The following BAIAP2L1 variants were observed in gnomAD, a reference collection of about 807,000 sequenced individuals.
BAIAP2L1 encodes the protein BAR/IMD domain containing adaptor protein 2 like 1, also known as BAR/IMD domain-containing adapter protein 2-like 1.
In BAIAP2L1, 35 loss-of-function variants were observed where a neutral mutation model predicts 66.3. The observed-to-expected ratio is 0.53, with a 90% CI of 0.40 to 0.70. The LOEUF is 0.70. Ranked by LOEUF, BAIAP2L1 falls within the 30% of genes least tolerant of loss-of-function variation. The probability of loss-of-function intolerance (pLI) is 0.00; values close to 1 mark genes in which losing one functional copy is unlikely to be tolerated. For synonymous variants in BAIAP2L1, 269 were observed against 248.7 expected (o/e 1.08, Z -0.77); for missense variants, 622 against 656.9 (o/e 0.95, Z 0.58).
chr7:98,341,102 G>A (rs573173122), intron 3 of BAIAP2L1, among the ~76,000 whole-genome samples: 1 of 151,756 alleles, frequency 6.6e-6, no homozygotes, highest in East Asian at 1.9e-4. Flanking sequence ...CCACCTTCAA[G>A]GTCTAAAGGC....
chr7:98,346,049 G>A (rs1470023975), intron 3 of BAIAP2L1, among the ~76,000 whole-genome samples: 1 of 152,160 alleles, frequency 6.6e-6, no homozygotes, highest in African/African-American at 2.4e-5. Context: ...ATATCCTAAA[G>A]TTAATTGTGG....
intron 3 of BAIAP2L1, among the ~76,000 whole-genome samples, chr7:98,353,057 C>T (rs1206885234): frequency 1.3e-5 from 2 of 151,936 alleles, no homozygotes; most frequent in East Asian, 1.9e-4. Flanking sequence ...TGTCTACATC[C>T]GGCAGCCTCC....
rs754827998 is a variant in BAIAP2L1, at chr7:98,306,402, TC to T, written c.1241+36del. ...TTACAGAAACGACAAGGCAGGGGTTTCTGTCACCGGGAGAGCTCAGCCACGT... is the reference window on the plus strand; with the variant it reads ...TTACAGAAACGACAAGGCAGGGGTTTTGTCACCGGGAGAGCTCAGCCACGT... On this transcript the variant is annotated intron_variant, in intron 11 of 13. Transcript: ENST00000005260. 3.7e-6 allele frequency: 6 copies of T among 1,610,678 alleles called. No homozygotes were observed. The Admixed American group carries it at 1.0e-4, about 27-fold the overall frequency.
intron 11 of BAIAP2L1, 51 bp from the exon 12 acceptor site, chr7:98,304,427 AC>A: frequency 1.3e-6 from 2 of 1,584,796 alleles, no homozygotes; most frequent in Middle Eastern, 1.7e-4. Flanking sequence ...TCACCACCAA[AC>A]CCCAAACATC....
intron 8 of BAIAP2L1, among the ~76,000 whole-genome samples, chr7:98,311,513 C>A (rs1800867792): frequency 6.6e-6 from 1 of 151,534 alleles, no homozygotes; most frequent in Non-Finnish European, 1.5e-5. Flanking sequence ...TGCACTCCAG[C>A]CTGAGTGACA....
chr7:98,318,156 T>C (rs1801135938), intron 5 of BAIAP2L1, among the ~76,000 whole-genome samples: 1 of 152,246 alleles, frequency 6.6e-6, no homozygotes, highest in Admixed American at 6.5e-5. Flanking sequence ...CTTTAATGTC[T>C]TGGCTTTGTT....
chr7:98,305,950 T>G (rs1336609451), intron 11 of BAIAP2L1, among the ~76,000 whole-genome samples: 1 of 152,080 alleles, frequency 6.6e-6, no homozygotes, highest in Non-Finnish European at 1.5e-5. Context: ...GCAGGAAGGA[T>G]GGACCCAGGG....
chr7:98,311,587 A>C (rs907839536), intron 8 of BAIAP2L1, among the ~76,000 whole-genome samples: 1 of 151,686 alleles, frequency 6.6e-6, no homozygotes, highest in Non-Finnish European at 1.5e-5. Flanking sequence ...AAATTTCCAA[A>C]ACAAAGATAA....
At chr7:98,366,135 G>A (rs1242375936) in intron 1 of BAIAP2L1, among the ~76,000 whole-genome samples, 1 of 152,202 alleles carries the variant, frequency 6.6e-6, no homozygotes. Flanking sequence ...CATTGGGTGG[G>A]GGACAATCAT....
intron 12 of BAIAP2L1, among the ~76,000 whole-genome samples, chr7:98,294,786 T>C (rs1025718529): frequency 6.6e-6 from 1 of 152,160 alleles, no homozygotes; most frequent in Non-Finnish European, 1.5e-5. Flanking sequence ...GCCAGGGATC[T>C]TGTAGGAAGC....
intron 11 of BAIAP2L1, 42 bp from the exon 12 acceptor site, chr7:98,304,418 C>T (rs577101245): frequency 7.2e-5 from 115 of 1,600,214 alleles, no homozygotes; most frequent in Non-Finnish European, 9.3e-5. Flanking sequence ...GATAATGTCT[C>T]ACCACCAAAC....
At position 98,292,557 on chromosome 7, in the gene BAIAP2L1, T is replaced by C; in HGVS notation, c.*964A>G. On this transcript the variant is annotated 3_prime_UTR_variant, in exon 14 of 14. Coordinates refer to ENST00000005260, the MANE Select transcript of BAIAP2L1 (RefSeq NM_018842.5). ...CCAGCCCCGGGCTCAGGGCAGCCAG[T>C]GCGTAGTCCTCACATCCATACCATA... 1 of 1,345,018 alleles carries C rather than the reference T, an allele frequency of 7.4e-7. No homozygotes were observed. Among genetic ancestry groups the C allele is most frequent in the Non-Finnish European group, 1.0e-6 (1 of 960,074 alleles). 83.3% of individuals were successfully genotyped at this position (1,345,018 alleles called of 1,614,324 possible).
intron 3 of BAIAP2L1, among the ~76,000 whole-genome samples, chr7:98,341,688 A>G (rs1231865827): frequency 6.6e-6 from 1 of 152,136 alleles, no homozygotes; most frequent in Admixed American, 6.6e-5. Context: ...CTCCTCATCT[A>G]TAAAACGGAA....
chr7:98,345,413 T>C (rs996761868), intron 3 of BAIAP2L1, among the ~76,000 whole-genome samples: 1 of 152,028 alleles, frequency 6.6e-6, no homozygotes, highest in East Asian at 1.9e-4. Flanking sequence ...AAAGAAGATA[T>C]GCAAATGGTC....
chr7:98,344,891 G>A (rs7801992), intron 3 of BAIAP2L1, among the ~76,000 whole-genome samples: 57,610 of 152,094 alleles, frequency 0.38, 12,438 homozygotes, highest in Middle Eastern at 0.54. Flanking sequence ...AGCTGAGATC[G>A]CGCCATTGTA....
At chr7:98,388,346 GA>G (rs1264930441) in intron 1 of BAIAP2L1, among the ~76,000 whole-genome samples, 1 of 152,230 alleles carries the variant, frequency 6.6e-6, no homozygotes, top group African/African-American at 2.4e-5. Context: ...ATAAGAGTAA[GA>G]CTGAGTCTCT....
At chr7:98,297,143 G>T (rs564020977) in intron 12 of BAIAP2L1, among the ~76,000 whole-genome samples, 1 of 152,350 alleles carries the variant, frequency 6.6e-6, no homozygotes, top group South Asian at 2.1e-4. Context: ...ATAGAGCGAG[G>T]CCACCAAGCG....
chr7:98,359,413 C>T lies in BAIAP2L1; in HGVS notation c.127+2944G>A, dbSNP rs921375375. Among the ~76,000 whole-genome samples the T allele has an allele frequency of 1.1e-4, 16 of 152,054 alleles. 1 individual carries two copies. The South Asian group carries it at 3.3e-3, about 32-fold the overall frequency. ...TCAGCCTCCTGAGTAGGTGGGATTA[C>T]AGGCACCCGCCACCACGCCTGGCTA... On this transcript the variant is annotated intron_variant, in intron 2 of 13. Coordinates refer to ENST00000005260, the MANE Select transcript of BAIAP2L1 (RefSeq NM_018842.5).
intron 5 of BAIAP2L1, among the ~76,000 whole-genome samples, chr7:98,318,726 C>T (rs1801154701): frequency 6.6e-6 from 1 of 151,542 alleles, no homozygotes; most frequent in African/African-American, 2.4e-5. Context: ...AGGTGCACCA[C>T]GAGGTCAGAA....
Sources: gnomAD v4.1 joint callset for allele counts (sites outside exome capture counted in the v4.1 genomes callset) on GRCh38, gnomAD v4.1.1 for gene constraint, MANE v1.5 for transcripts, NCBI Gene and HGNC (gene_info 2026-07-23, HGNC 2026-07-21) for gene names.